Variants in BAG4 observed in about 807,000 individuals in gnomAD.
BAG4 encodes BAG family molecular chaperone regulator 4.
A neutral mutation model predicts 52.1 loss-of-function variants in BAG4; 28 were observed. The ratio of observed to expected loss-of-function variants is 0.54; its 90% CI spans 0.40 to 0.74. The LOEUF (loss-of-function observed/expected upper bound fraction) is 0.74, where lower values mean the gene tolerates loss of function less well. Among genes scored for constraint, BAG4 ranks in the 30% least tolerant of loss-of-function variants. BAG4 has a pLI of 0.00. For missense variants in BAG4, 525 were observed against 572.0 expected, an observed-to-expected ratio of 0.92 and a Z score of 0.84; for synonymous variants, 208 against 217.0, an observed-to-expected ratio of 0.96 and a Z score of 0.37.
chr8:38,177,336 C>G (rs949878619), intron 1 of BAG4, among the ~76,000 whole-genome samples, 197 bp downstream of exon 1: 1 of 152,090 alleles, frequency 6.6e-6, no homozygotes, highest in African/African-American at 2.4e-5. Flanking sequence ...TGCTTCGACC[C>G]CAAAAAATAT....
chr8:38,194,724 A>G (rs1262729528), intron 2 of BAG4, among the ~76,000 whole-genome samples: 1 of 150,756 alleles, frequency 6.6e-6, no homozygotes, highest in African/African-American at 2.4e-5. Context: ...AGGTGTGTAC[A>G]TTTTTATTAG....
At chr8:38,198,562 T>G (rs1053836032) in intron 2 of BAG4, among the ~76,000 whole-genome samples, 1 of 149,320 alleles carries the variant, frequency 6.7e-6, no homozygotes, top group Admixed American at 6.7e-5. Flanking sequence ...GATCTCGGCT[T>G]ACTGCGACCT....
At chr8:38,196,713 G>A (rs1803566967) in intron 2 of BAG4, among the ~76,000 whole-genome samples, 1 of 152,014 alleles carries the variant, frequency 6.6e-6, no homozygotes, top group African/African-American at 2.4e-5. Context: ...GTTCTCTGAT[G>A]ACTAATGATT....
chr8:38,212,431 T>C lies in BAG4; in HGVS notation c.*1938T>C, dbSNP rs1563287184. 2 of 152,204 alleles carry C rather than the reference T, an allele frequency of 1.3e-5. No homozygotes were observed. Among genetic ancestry groups the C allele is most frequent in the Non-Finnish European group, 2.9e-5 (2 of 68,038 alleles). The allele number at this position is 152,204 out of a possible 1,614,324, so 9.4% of individuals were successfully genotyped here. Reference sequence around the variant, plus strand: ...AGTTGTAAAAGTAGTAGAGTTCTTGTATACTCTGCACCCACCTTGCCCTTA... The same window carrying C: ...AGTTGTAAAAGTAGTAGAGTTCTTGCATACTCTGCACCCACCTTGCCCTTA... On this transcript the variant is annotated 3_prime_UTR_variant, in exon 5 of 5. Coordinates refer to ENST00000287322, the MANE Select transcript of BAG4 (RefSeq NM_004874.4).
intron 2 of BAG4, among the ~76,000 whole-genome samples, chr8:38,198,869 T>A (rs900406405): frequency 6.6e-6 from 1 of 152,114 alleles, no homozygotes; most frequent in Non-Finnish European, 1.5e-5. Context: ...GTCAGGATCA[T>A]CAGTATCACT....
intron 2 of BAG4, among the ~76,000 whole-genome samples, chr8:38,205,497 A>G (rs1038796977): frequency 6.6e-6 from 1 of 152,190 alleles, no homozygotes; most frequent in African/African-American, 2.4e-5. Flanking sequence ...CTTCATGTCT[A>G]TAACTTTTTC....
At chr8:38,185,853 G>A (rs544426825) in intron 1 of BAG4, among the ~76,000 whole-genome samples, 6 of 152,288 alleles carry the variant, frequency 3.9e-5, no homozygotes, top group Admixed American at 2.0e-4. Flanking sequence ...GTGAGCCACC[G>A]CGCCTGGCCA....
chr8:38,200,137 A>G (rs1803636123), intron 2 of BAG4, among the ~76,000 whole-genome samples: 1 of 151,504 alleles, frequency 6.6e-6, no homozygotes, highest in East Asian at 1.9e-4. Context: ...CCGAGTAGCT[A>G]GGATTACAGG....
Position 38,177,797 on chromosome 8 carries a change from A to C in BAG4, c.270+658A>C, listed in dbSNP as rs1301225064. ...ACTTGCCTAATACACTTGGACCTGCAACATTTTATTCTCCGTTTTCCTGCC... is the reference window on the plus strand; with the variant it reads ...ACTTGCCTAATACACTTGGACCTGCCACATTTTATTCTCCGTTTTCCTGCC... On this transcript the variant is annotated intron_variant, in intron 1 of 4. Coordinates refer to ENST00000287322, the MANE Select transcript of BAG4 (RefSeq NM_004874.4). 2.0e-5 allele frequency among the ~76,000 whole-genome samples: 3 copies of C among 152,142 alleles called. No individual in the cohort carries two copies. In the East Asian group the frequency reaches 5.8e-4, roughly 29 times the overall value.
At chr8:38,188,856 C>T (rs1436197221) in intron 1 of BAG4, among the ~76,000 whole-genome samples, 1 of 151,906 alleles carries the variant, frequency 6.6e-6, no homozygotes, top group Admixed American at 6.6e-5. Flanking sequence ...TGCAGTGGCA[C>T]GATCTTGGCT....
intron 2 of BAG4, 39 bp from the exon 3 acceptor site, chr8:38,207,473 C>T (rs1363802518): frequency 6.3e-7 from 1 of 1,592,860 alleles, no homozygotes; most frequent in Non-Finnish European, 8.6e-7. Flanking sequence ...AGCTCTTCTA[C>T]TAATTCATCT....
At chr8:38,194,700 C>T (rs1222727489) in intron 2 of BAG4, among the ~76,000 whole-genome samples, 1 of 151,602 alleles carries the variant, frequency 6.6e-6, no homozygotes, top group East Asian at 1.9e-4. Context: ...AGGCATGAGC[C>T]ACCATGCCTG....
At chr8:38,181,065 C>G (rs912027050) in intron 1 of BAG4, among the ~76,000 whole-genome samples, 37 of 151,770 alleles carry the variant, frequency 2.4e-4, no homozygotes, top group African/African-American at 7.7e-4. Context: ...CTCAGCCTCC[C>G]GAGTAGCTGG....
At chr8:38,179,530 C>T (rs1426607403) in intron 1 of BAG4, among the ~76,000 whole-genome samples, 23 of 151,152 alleles carry the variant, frequency 1.5e-4, no homozygotes. Flanking sequence ...CTTTGGGAGT[C>T]CAAGGAAGGC....
At chr8:38,195,134 G>A (rs972463019) in intron 2 of BAG4, among the ~76,000 whole-genome samples, 22 of 151,510 alleles carry the variant, frequency 1.5e-4, no homozygotes, top group African/African-American at 5.1e-4. Flanking sequence ...GATTACAGGC[G>A]TGAGCCACTG....
chr8:38,177,222 T>A, intron 1 of BAG4, 83 bp downstream of exon 1: 1 of 1,551,304 alleles, frequency 6.4e-7, no homozygotes, highest in Non-Finnish European at 8.7e-7. Flanking sequence ...TCATACTTGT[T>A]TTCCTTATGT....
At position 38,211,024 on chromosome 8, in the gene BAG4, C is replaced by CTTGG. The variant is rs1803859213; in HGVS notation, c.*533_*536dup. ...ACAAATATAGTATTATTCTCTACTT[C>CTTGG]TTGGTACATTTTGTAGTAATATGTT... On this transcript the variant is annotated 3_prime_UTR_variant, in exon 5 of 5. Transcript: ENST00000287322. The CTTGG allele has an allele frequency of 6.5e-6, 1 of 152,690 alleles. No homozygotes were observed. Among genetic ancestry groups the CTTGG allele is most frequent in the South Asian group, 2.1e-4 (1 of 4,830 alleles). The allele number at this position is 152,690 out of a possible 1,614,324, so 9.5% of individuals were successfully genotyped here. A position where few individuals can be genotyped will look rare whatever the true frequency, so the allele number is the denominator to read the frequency against.
At chr8:38,192,903 G>A in intron 2 of BAG4, 108 bp downstream of exon 2, 1 of 696,420 alleles carries the variant, frequency 1.4e-6, no homozygotes, top group Admixed American at 3.4e-5. Context: ...TTTTTTCTTT[G>A]CTTTAATGGG....
rs560623799 is a variant in BAG4, at chr8:38,209,077, G to T, written c.698G>T (p.Gly233Val). The T allele has an allele frequency of 5.6e-6, 9 of 1,614,006 alleles. No homozygotes were observed. Among genetic ancestry groups the T allele is most frequent in the Non-Finnish European group, 7.6e-6 (9 of 1,180,034 alleles). ...GGTAATCGTAGTGTTCCACAATCAGGACCGACTGTACGACCACAAGAAGAT... is the reference window on the plus strand; with the variant it reads ...GGTAATCGTAGTGTTCCACAATCAGTACCGACTGTACGACCACAAGAAGAT... ...GDGNRSVPQS[G>V]PTVRPQEDAW... The change falls in exon 4 of 5, where the codon GGA becomes GTA. Residue 233 changes from glycine (G) to valine (V), a missense_variant. Around this residue, in one of 2 missense-constraint regions of BAG4, gnomAD observed 238 missense variants for 305.8 expected, o/e 0.78. Coordinates refer to ENST00000287322, the MANE Select transcript of BAG4 (RefSeq NM_004874.4).
Sources: gnomAD v4.1 joint callset for allele counts (sites outside exome capture counted in the v4.1 genomes callset) on GRCh38, gnomAD v4.1.1 for gene constraint, gnomAD v4.1.1 regional missense constraint, MANE v1.5 for transcripts, NCBI Gene and HGNC (gene_info 2026-07-23, HGNC 2026-07-21) for gene names.